The following CDC27 variants were observed in gnomAD, a reference collection of about 807,000 sequenced individuals.
The protein encoded by CDC27 is cell division cycle protein 27 homolog.
CDC27 carries 27 observed loss-of-function variants against 109.7 expected under a neutral mutation model. The ratio of observed to expected loss-of-function variants is 0.25; its 90% CI spans 0.18 to 0.34. The LOEUF is 0.34. Among genes scored for constraint, CDC27 ranks in the 10% least tolerant of loss-of-function variants. The probability of loss-of-function intolerance (pLI) is 1.00; values close to 1 mark genes in which losing one functional copy is unlikely to be tolerated. For missense variants in CDC27, 579 were observed against 960.2 expected (o/e 0.60, Z 5.25); for synonymous variants, 266 against 333.9 (o/e 0.80, Z 2.22).
At chr17:47,149,503 C>T (rs1269647010) in intron 9 of CDC27, among the ~76,000 whole-genome samples, 1 of 90,796 alleles carries the variant, frequency 1.1e-5, no homozygotes, top group Non-Finnish European at 2.1e-5. Context: ...GAGTGAGACT[C>T]TGTCTTAAAA....
At chr17:47,156,881 T>C (rs761967390) in intron 7 of CDC27, 32 bp downstream of exon 7, 16 of 725,236 alleles carry the variant, frequency 2.2e-5, no homozygotes, top group South Asian at 8.2e-5. Flanking sequence ...TTTGGTATTA[T>C]AGCACATTTG....
At chr17:47,180,449 C>G (rs533284293) in intron 2 of CDC27, among the ~76,000 whole-genome samples, 1 of 152,152 alleles carries the variant, frequency 6.6e-6, no homozygotes, top group Non-Finnish European at 1.5e-5. Context: ...CTGGTTTCCA[C>G]TTAACTTCTC....
chr17:47,144,871 T>TCACACACACA (rs35160918), intron 9 of CDC27, among the ~76,000 whole-genome samples: 19 of 149,990 alleles, frequency 1.3e-4, no homozygotes, highest in African/African-American at 4.2e-4. Context: ...TGTGTGTATA[T>TCACACACACA]CACACACACA....
chr17:47,123,849 G>A lies in CDC27; in HGVS notation c.2235+37C>T, dbSNP rs1797886368. Reference sequence around the variant, plus strand: ...CTTATAAAATGTCATTATTTGCTATGAAAGTCACTGTTTGGGACCATGACC... The same window carrying A: ...CTTATAAAATGTCATTATTTGCTATAAAAGTCACTGTTTGGGACCATGACC... On this transcript the variant is annotated intron_variant, in intron 17 of 18. Coordinates refer to ENST00000066544, the MANE Select transcript of CDC27 (RefSeq NM_001256.6). 2 of 1,388,654 alleles carry A rather than the reference G, an allele frequency of 1.4e-6. 1 individual carries two copies. The allele number at this position is 1,388,654 out of a possible 1,614,324, so 86.0% of individuals were successfully genotyped here. A position where few individuals can be genotyped will look rare whatever the true frequency, so the allele number is the denominator to read the frequency against.
chr17:47,185,442 C>A (rs571247725), intron 1 of CDC27, among the ~76,000 whole-genome samples: 2 of 152,284 alleles, frequency 1.3e-5, no homozygotes, highest in South Asian at 2.1e-4. Flanking sequence ...CTCAGCCCCC[C>A]AAAGTGCTGG....
At chr17:47,142,545 C>G in intron 10 of CDC27, 109 bp from the exon 11 acceptor site, 1 of 512,342 alleles carries the variant, frequency 2.0e-6, no homozygotes, top group Non-Finnish European at 3.4e-6. Context: ...TTGATTAATT[C>G]TATATTTTTT....
intron 15 of CDC27, 73 bp from the exon 16 acceptor site, chr17:47,129,594 A>C: frequency 1.0e-6 from 1 of 992,120 alleles, no homozygotes; most frequent in Non-Finnish European, 1.5e-6. Flanking sequence ...AACGTGACTC[A>C]AAACCAACAT....
intron 8 of CDC27, among the ~76,000 whole-genome samples, chr17:47,152,366 A>G (rs2063177204): frequency 6.6e-6 from 1 of 152,188 alleles, no homozygotes; most frequent in African/African-American, 2.4e-5. Context: ...ACTTGGTAAC[A>G]GTTCTAAAGG....
chr17:47,142,702 T>C (rs1003547722), intron 10 of CDC27, among the ~76,000 whole-genome samples: 1 of 152,190 alleles, frequency 6.6e-6, no homozygotes, highest in Non-Finnish European at 1.5e-5. Flanking sequence ...CAAACTCTCA[T>C]TTATTATTTA....
rs147346652 is a variant in CDC27 at position 47,137,364 on chromosome 17, A to T, written c.1705-4T>A. On this transcript the variant is annotated splice_polypyrimidine_tract_variant and splice_region_variant and intron_variant, in intron 13 of 18. Transcript: ENST00000066544. ...AGTTCCCTGCAGCACACCAGGCCTT[A>T]AAAAAATGGGAACAAAAACCAAACA... 10 of 1,530,572 alleles carry T rather than the reference A, an allele frequency of 6.5e-6. No individual in the cohort carries two copies. The Admixed American group carries it at 8.9e-5, about 14-fold the overall frequency. 94.8% of individuals were successfully genotyped at this position (1,530,572 alleles called of 1,614,324 possible).
At chr17:47,171,836 G>C in intron 3 of CDC27, 81 bp downstream of exon 3, 1 of 889,024 alleles carries the variant, frequency 1.1e-6, no homozygotes, top group South Asian at 1.7e-5. Flanking sequence ...AAGGGAATCA[G>C]AGTTTAATCT....
chr17:47,142,287 C>T lies in CDC27; in HGVS notation c.1320G>A (p.Gly440=), dbSNP rs2062817628. 1 of 1,604,774 alleles carries T rather than the reference C, an allele frequency of 6.2e-7. No homozygotes were observed. Among genetic ancestry groups the T allele is most frequent in the Non-Finnish European group, 8.5e-7 (1 of 1,173,540 alleles). The change falls in exon 11 of 19, where the codon GGG becomes GGA. Residue 440 remains glycine, a synonymous_variant. Transcript: ENST00000066544. The part of the protein sequence containing the change: ...TKLDSSIISE[G]KISTITPQIQ... ...TCTGAGGTGTGATTGTGGATATTTT[C>T]CCTTCTGAAATGATGGAAGAGTCCA...
chr17:47,141,401 A>G (rs180842772), intron 12 of CDC27, among the ~76,000 whole-genome samples: 2 of 152,306 alleles, frequency 1.3e-5, no homozygotes, highest in Admixed American at 1.3e-4. Flanking sequence ...ATTAAAATCC[A>G]AAGAGTAAAA....
chr17:47,159,815 G>C, intron 4 of CDC27: 1 of 465,024 alleles, frequency 2.2e-6, no homozygotes, highest in Non-Finnish European at 4.2e-6. Flanking sequence ...TTCCCTGATG[G>C]GCAGGGAGAA....
Position 47,123,889 on chromosome 17 carries a change from T to C in CDC27, c.2232A>G (p.Gly744=). 1 of 1,592,362 alleles carries C rather than the reference T, an allele frequency of 6.3e-7. No individual in the cohort carries two copies. Among genetic ancestry groups the C allele is most frequent in the Non-Finnish European group, 8.5e-7 (1 of 1,172,236 alleles). Residue 744 remains glycine, a synonymous_variant, in exon 17 of 19, where the codon GGA becomes GGG. Transcript: ENST00000066544. ...PKESLVYFLI[G]KVYKKLGQTH... is the part of the protein sequence containing the mutation. ...GGACCATGACCCCAGTCTTTACCTT[T>C]CCTATTAAGAAGTAAACGAGGGATT... is the stretch of plus-strand genomic sequence containing the variant.
At chr17:47,185,515 C>T (rs1003877784) in intron 1 of CDC27, among the ~76,000 whole-genome samples, 1 of 152,062 alleles carries the variant, frequency 6.6e-6, no homozygotes, top group African/African-American at 2.4e-5. Flanking sequence ...TTAGAGAAAG[C>T]TTATTACAAA....
In CDC27 at chr17:47,143,910, G is replaced by A; in HGVS notation, c.1143C>T (p.Leu381=). 1.3e-6 allele frequency: 2 copies of A among 1,484,300 alleles called. No individual in the cohort carries two copies. The highest frequency in any genetic ancestry group is 1.8e-6 in the Non-Finnish European group (2 of 1,108,910). The allele number at this position is 1,484,300 out of a possible 1,614,324, so 91.9% of individuals were successfully genotyped here. ...PNALPRRSSR[L]FTSDSSTTKE... ...TGGTTGTGGAGCTGTCACTAGTAAA[G>A]AGTCGTGAACTTCTTCGAGGCAGTG... Residue 381 remains leucine (L), a synonymous_variant, in exon 10 of 19, where the codon CTC becomes CTT. Transcript: ENST00000066544.
rs1014769758 is a variant in CDC27 at position 47,125,405 on chromosome 17, C to A, written c.2161-1445G>T. ...GGAATTACAGGCGTGTGCCACCATG[C>A]CTGGCTAATTTTTGTATTTTTAGTA... On this transcript the variant is annotated intron_variant, in intron 16 of 18. Transcript: ENST00000066544. Among the ~76,000 whole-genome samples the A allele has an allele frequency of 4.6e-5, 7 of 151,486 alleles. 1 individual carries two copies. The East Asian group carries it at 1.2e-3, about 25-fold the overall frequency.
intron 17 of CDC27, 92 bp from the exon 18 acceptor site, chr17:47,122,692 G>C: frequency 1.1e-6 from 1 of 937,418 alleles, no homozygotes; most frequent in Non-Finnish European, 1.4e-6. Flanking sequence ...ATTTATTTTT[G>C]AGATGGAGTC....
Sources: allele counts gnomAD v4.1 joint callset (sites outside exome capture counted in the v4.1 genomes callset), GRCh38; gene constraint gnomAD v4.1.1; transcripts MANE v1.5; gene names NCBI Gene and HGNC (gene_info 2026-07-23, HGNC 2026-07-21).